Variants in ACOX3 observed in about 807,000 individuals in gnomAD.
ACOX3 encodes acyl-CoA oxidase 3, pristanoyl.
Under a neutral mutation model 81.5 loss-of-function variants are expected in ACOX3, and 73 were observed. The ratio of observed to expected loss-of-function variants is 0.90; its 90% CI spans 0.74 to 1.09. The LOEUF is 1.09. Among genes scored for constraint, ACOX3 ranks in the 50% least tolerant of loss-of-function variants. The probability of loss-of-function intolerance (pLI) is 0.00; values close to 1 mark genes in which losing one functional copy is unlikely to be tolerated. For missense variants in ACOX3, 947 were observed against 928.0 expected, an observed-to-expected ratio of 1.02 and a Z score of -0.27; for synonymous variants, 387 against 375.1, an observed-to-expected ratio of 1.03 and a Z score of -0.37.
At chr4:8,369,420 G>A (rs1182586965) in intron 17 of ACOX3, among the ~76,000 whole-genome samples, 1 of 152,194 alleles carries the variant, frequency 6.6e-6, no homozygotes, top group Non-Finnish European at 1.5e-5. Flanking sequence ...CCACTCCCTG[G>A]CTGGGAAACC....
chr4:8,424,181 G>T (rs1723229091), intron 1 of ACOX3, among the ~76,000 whole-genome samples: 1 of 152,184 alleles, frequency 6.6e-6, no homozygotes, highest in Non-Finnish European at 1.5e-5. Context: ...GGCATAACAG[G>T]CTTCTGCCGA....
At chr4:8,412,600 C>T (rs968715899) in intron 5 of ACOX3, among the ~76,000 whole-genome samples, 3 of 152,148 alleles carry the variant, frequency 2.0e-5, no homozygotes, top group African/African-American at 7.2e-5. Flanking sequence ...ACTGGTTGAG[C>T]ACATCCGCAG....
intron 1 of ACOX3, among the ~76,000 whole-genome samples, chr4:8,435,137 G>T (rs1256611180): frequency 1.3e-5 from 2 of 152,182 alleles, no homozygotes; most frequent in East Asian, 3.8e-4. Context: ...CTTAAGAAAG[G>T]TTTTGCAGGG....
At position 8,385,021 on chromosome 4, in the gene ACOX3, C is replaced by T. The variant is rs3775895; in HGVS notation, c.1538-3414G>A. On this transcript the variant is annotated intron_variant, in intron 13 of 17. Coordinates refer to ENST00000356406, the MANE Select transcript of ACOX3 (RefSeq NM_003501.3). This position sits in a 1 kb window ranked among gnomAD's most constrained non-coding sequence, Gnocchi z 5.5. ...GTGTTCAGGACTGTGGCCCCCCACA[C>T]GCAGCAGCCCCCCACCGAGGGCACC... Among the ~76,000 whole-genome samples the T allele has an allele frequency of 0.26, 39,793 of 152,106 alleles. 7,681 individuals carry two copies. Among genetic ancestry groups the T allele is most frequent in the African/African-American group, 0.55 (22,928 of 41,452 alleles).
Position 8,383,033 on chromosome 4 carries a change from T to C in ACOX3, c.1538-1426A>G, listed in dbSNP as rs923233509. Among the ~76,000 whole-genome samples, 6 of 151,718 alleles carry C rather than the reference T, an allele frequency of 4.0e-5. No homozygotes were observed. In the Middle Eastern group the frequency reaches 0.014, roughly 351 times the overall value. ...AAAAGAAAATACCCAACGTTGCAGT[T>C]CCTGCCACAGCACACCCGACTGCTT... On this transcript the variant is annotated intron_variant, in intron 13 of 17. Transcript: ENST00000356406.
chr4:8,401,454 T>C (rs1720368672), intron 7 of ACOX3, among the ~76,000 whole-genome samples: 1 of 152,140 alleles, frequency 6.6e-6, no homozygotes, highest in Non-Finnish European at 1.5e-5. Flanking sequence ...CCAGCTCTGC[T>C]GTGCTGGCCC....
rs1030527882 is a variant in ACOX3, at chr4:8,400,882, A to T, written c.777-1230T>A. Among the ~76,000 whole-genome samples, 1 of 152,072 alleles carries T rather than the reference A, an allele frequency of 6.6e-6. No individual in the cohort carries two copies. The highest frequency in any genetic ancestry group is 2.4e-5 in the African/African-American group (1 of 41,400). On this transcript the variant is annotated intron_variant, in intron 7 of 17. Coordinates refer to ENST00000356406, the MANE Select transcript of ACOX3 (RefSeq NM_003501.3). This position sits in a 1 kb window ranked among gnomAD's most constrained non-coding sequence, Gnocchi z 4.4. The stretch of plus-strand genomic sequence containing the variant: ...GCACATTATATTTATTGTGCACTTT[A>T]TTTCTATTATTATTACATGGTAACA...
chr4:8,407,858 T>C lies in ACOX3; in HGVS notation c.688-1815A>G, dbSNP rs10025940. 0.16 allele frequency among the ~76,000 whole-genome samples: 23,853 copies of C among 152,200 alleles called. 3,191 individuals carry two copies. The highest frequency in any genetic ancestry group is 0.37 in the African/African-American group (15,200 of 41,492). On this transcript the variant is annotated intron_variant, in intron 6 of 17. Coordinates refer to ENST00000356406, the MANE Select transcript of ACOX3 (RefSeq NM_003501.3). This position sits in a 1 kb window ranked among gnomAD's most constrained non-coding sequence, Gnocchi z 4.6. ...AGCAGGGATTCCCAACCATGAGACG[T>C]GCCACCTTCCCCTTCCCCACCAGGG...
intron 1 of ACOX3, among the ~76,000 whole-genome samples, chr4:8,435,652 G>A (rs898806918): frequency 4.6e-5 from 7 of 152,286 alleles, no homozygotes; most frequent in African/African-American, 1.4e-4. Flanking sequence ...ATTGATTCAT[G>A]GTTAAATATA....
intron 13 of ACOX3, among the ~76,000 whole-genome samples, chr4:8,388,550 G>C (rs113463219): frequency 0.071 from 10,769 of 152,308 alleles, 760 homozygotes; most frequent in African/African-American, 0.18. Context: ...CCACCTCTCT[G>C]AGCCACAGAC....
intron 16 of ACOX3, 145 bp downstream of exon 16, chr4:8,373,415 GC>G (rs1269304114): frequency 2.3e-5 from 18 of 797,414 alleles, no homozygotes; most frequent in African/African-American, 2.2e-4. Context: ...GTGCGTGTAG[GC>G]TCTGGGTGAC....
Position 8,430,892 on chromosome 4 carries a change from A to G in ACOX3, c.-15+9756T>C, listed in dbSNP as rs1723915514. On this transcript the variant is annotated intron_variant, in intron 1 of 17. Transcript: ENST00000356406. This position sits in a 1 kb window ranked among gnomAD's most constrained non-coding sequence, Gnocchi z 5.2. ...AATAAAAATATCTTCCCACTGGGAAATGATTTGGGTCCATTGCAGGAGTGA... is the reference window on the plus strand; with the variant it reads ...AATAAAAATATCTTCCCACTGGGAAGTGATTTGGGTCCATTGCAGGAGTGA... Among the ~76,000 whole-genome samples, 2 of 152,150 alleles carry G rather than the reference A, an allele frequency of 1.3e-5. No homozygotes were observed. Among genetic ancestry groups the G allele is most frequent in the African/African-American group, 4.8e-5 (2 of 41,430 alleles).
intron 1 of ACOX3, among the ~76,000 whole-genome samples, chr4:8,427,280 G>A (rs1418168879): frequency 6.6e-6 from 1 of 152,194 alleles, no homozygotes; most frequent in African/African-American, 2.4e-5. Flanking sequence ...AGCCGAATCG[G>A]GCAACCCTCT....
chr4:8,414,201 G>GTTTT lies in ACOX3; in HGVS notation c.543+87_543+90dup. On this transcript the variant is annotated intron_variant, in intron 5 of 17. Coordinates refer to ENST00000356406, the MANE Select transcript of ACOX3 (RefSeq NM_003501.3). The surrounding 1 kb of genome is among the most constrained non-coding windows in gnomAD (Gnocchi z 6.1). ...ATGTGGACAGGCCTCTTGCTTTAAT[G>GTTTT]TTTTTTTTTTCTTATTCTGGGCAAC... The GTTTT allele has an allele frequency of 9.9e-7, 1 of 1,009,914 alleles. No homozygotes were observed. Among genetic ancestry groups the GTTTT allele is most frequent in the Non-Finnish European group, 1.5e-6 (1 of 671,958 alleles). The allele number at this position is 1,009,914 out of a possible 1,614,324, so 62.6% of individuals were successfully genotyped here.
At chr4:8,426,110 C>G (rs145078231) in intron 1 of ACOX3, among the ~76,000 whole-genome samples, 55 of 152,274 alleles carry the variant, frequency 3.6e-4, no homozygotes, top group African/African-American at 1.3e-3. Context: ...AACCAATGAC[C>G]TTGTGCTTGA....
At chr4:8,360,163 G>T in the ACOX3 span, among the ~76,000 whole-genome samples, 1 of 152,194 alleles carries the variant, frequency 6.6e-6, no homozygotes, top group Non-Finnish European at 1.5e-5. Context: ...CAGGTTCAGG[G>T]TTCAATTCCT....
chr4:8,367,834 A>AAG (rs1715658289), intron 17 of ACOX3, among the ~76,000 whole-genome samples: 2 of 143,328 alleles, frequency 1.4e-5, no homozygotes, highest in African/African-American at 2.6e-5. Flanking sequence ...AAAAAAAAAA[A>AAG]GCAAAAAATT....
chr4:8,387,447 G>T (rs545490908), intron 13 of ACOX3, among the ~76,000 whole-genome samples: 67 of 152,230 alleles, frequency 4.4e-4, no homozygotes, highest in Non-Finnish European at 1.0e-4. Context: ...TACCTGGCCC[G>T]CCGGGACAGG....
Position 8,400,939 on chromosome 4 carries a change from T to C in ACOX3, c.777-1287A>G, listed in dbSNP as rs1720301506. Among the ~76,000 whole-genome samples, 2 of 136,938 alleles carry C rather than the reference T, an allele frequency of 1.5e-5. No homozygotes were observed. Among genetic ancestry groups the C allele is most frequent in the African/African-American group, 2.9e-5 (1 of 34,242 alleles). 89.8% of individuals were successfully genotyped at this position (136,938 alleles called of 152,430 possible). A position where few individuals can be genotyped will look rare whatever the true frequency, so the allele number is the denominator to read the frequency against. The stretch of plus-strand genomic sequence containing the variant: ...GAAATGATTATACAATTAGCCATAA[T>C]GCAAAATTGCAAAATCAGTGGGAGC... On this transcript the variant is annotated intron_variant, in intron 7 of 17. Coordinates refer to ENST00000356406, the MANE Select transcript of ACOX3 (RefSeq NM_003501.3). The surrounding 1 kb of genome is among the most constrained non-coding windows in gnomAD (Gnocchi z 4.4).
Sources: allele counts gnomAD v4.1 joint callset (sites outside exome capture counted in the v4.1 genomes callset), GRCh38; gene constraint gnomAD v4.1.1; non-coding constraint Gnocchi (gnomAD v3.1); transcripts MANE v1.5; gene names NCBI Gene and HGNC (gene_info 2026-07-23, HGNC 2026-07-21).